Variants in THSD4 observed in about 807,000 individuals in gnomAD.
THSD4 encodes the protein thrombospondin type-1 domain-containing protein 4.
THSD4 carries 69 observed loss-of-function variants against 119.0 expected under a neutral mutation model. The observed-to-expected ratio is 0.58, with a 90% confidence interval of 0.48 to 0.71. The LOEUF is 0.71. THSD4 is among the 30% of genes least tolerant of loss of function. The pLI, the probability that THSD4 is intolerant of heterozygous loss-of-function variation, is 0.00. For synonymous variants in THSD4, 524 were observed against 540.4 expected, an observed-to-expected ratio of 0.97 and a Z score of 0.42; for missense variants, 1,393 against 1,391.1, an observed-to-expected ratio of 1.00 and a Z score of -0.02.
At chr15:71,658,184 G>T (rs2051227972) in intron 7 of THSD4, among the ~76,000 whole-genome samples, 1 of 152,160 alleles carries the variant, frequency 6.6e-6, no homozygotes. Context: ...ACATCTGGGG[G>T]TTGCTGATGC....
intron 3 of THSD4, chr15:71,165,474 C>T (rs1483408294): frequency 5.4e-6 from 7 of 1,305,648 alleles, no homozygotes; most frequent in African/African-American, 2.9e-5. Flanking sequence ...CCGGCTCTCA[C>T]TTGCCCTGGC....
chr15:71,382,816 A>G (rs1440496005), intron 6 of THSD4, among the ~76,000 whole-genome samples: 1 of 152,228 alleles, frequency 6.6e-6, no homozygotes. Flanking sequence ...AGACCCAAAT[A>G]TATTTAGCTT....
chr15:71,664,342 C>T (rs1190710030), intron 8 of THSD4, among the ~76,000 whole-genome samples: 1 of 151,902 alleles, frequency 6.6e-6, no homozygotes, highest in Non-Finnish European at 1.5e-5. Flanking sequence ...TCCAGAATTA[C>T]CTTTAGTTAT....
At chr15:71,372,044 G>T (rs544701357) in intron 6 of THSD4, among the ~76,000 whole-genome samples, 1 of 152,274 alleles carries the variant, frequency 6.6e-6, no homozygotes, top group East Asian at 1.9e-4. Flanking sequence ...TTCAGTCACT[G>T]ATAACCTTTC....
intron 6 of THSD4, among the ~76,000 whole-genome samples, chr15:71,308,401 T>G (rs7174619): frequency 1.3e-5 from 2 of 152,134 alleles, no homozygotes; most frequent in Admixed American, 6.5e-5. Flanking sequence ...TTTTTCCTGC[T>G]AGGGTGCTTA....
rs560137565 is a variant in THSD4, at chr15:71,531,157, G to A, written c.1152+119334G>A. Among the ~76,000 whole-genome samples the A allele has an allele frequency of 2.0e-5, 3 of 152,300 alleles. No homozygotes were observed. The South Asian group carries it at 6.2e-4, about 32-fold the overall frequency. ...AGGGAGACCAGAGGGTCATAAGGAA[G>A]GGGCTGGGGAGTGTGGGATGGGGCT... On this transcript the variant is annotated intron_variant, in intron 7 of 17. Coordinates refer to ENST00000261862, the MANE Select transcript of THSD4 (RefSeq NM_024817.3).
chr15:71,570,521 C>T (rs1595893374), intron 7 of THSD4, among the ~76,000 whole-genome samples: 2 of 152,086 alleles, frequency 1.3e-5, no homozygotes, highest in East Asian at 1.9e-4. Context: ...ATTCTCCTGC[C>T]TCAGCCTCCC....
intron 5 of THSD4, among the ~76,000 whole-genome samples, chr15:71,243,781 C>CTTTTTTTT (rs34842560): frequency 1.9e-5 from 2 of 104,934 alleles, no homozygotes; most frequent in Non-Finnish European, 1.8e-5. Context: ...GTGCTCAGCA[C>CTTTTTTTT]TTTTTTTTTT....
intron 6 of THSD4, among the ~76,000 whole-genome samples, chr15:71,259,152 G>C (rs1171169843): frequency 1.3e-5 from 2 of 151,830 alleles, no homozygotes; most frequent in African/African-American, 4.8e-5. Context: ...AGAGGAGAAA[G>C]GACACAGACA....
intron 8 of THSD4, among the ~76,000 whole-genome samples, chr15:71,715,931 G>A (rs1386480773): frequency 1.3e-5 from 2 of 152,134 alleles, no homozygotes; most frequent in Non-Finnish European, 2.9e-5. Context: ...TTAGATAATA[G>A]GGATGTGTAT....
At chr15:71,216,473 C>T (rs2140251427) in intron 4 of THSD4, among the ~76,000 whole-genome samples, 1 of 152,314 alleles carries the variant, frequency 6.6e-6, no homozygotes, top group South Asian at 2.1e-4. Context: ...TGCGACACAT[C>T]CAGCCTCCCC....
At chr15:71,329,493 C>T (rs2045394465) in intron 6 of THSD4, among the ~76,000 whole-genome samples, 1 of 152,198 alleles carries the variant, frequency 6.6e-6, no homozygotes, top group Non-Finnish European at 1.5e-5. Flanking sequence ...ACGTCCTTTG[C>T]TGCCTCCTTA....
chr15:71,364,629 A>C (rs2045932641), intron 6 of THSD4, among the ~76,000 whole-genome samples: 2 of 152,196 alleles, frequency 1.3e-5, no homozygotes, highest in Non-Finnish European at 2.9e-5. Context: ...TCAATTCCTA[A>C]TGGGTGAGTA....
chr15:71,279,746 G>T (rs941967820), intron 6 of THSD4, among the ~76,000 whole-genome samples: 4 of 151,230 alleles, frequency 2.6e-5, no homozygotes, highest in Admixed American at 2.6e-4. Context: ...AAGCGAATTC[G>T]AGTTCACACA....
chr15:71,671,795 G>C (rs2051535029), intron 8 of THSD4, among the ~76,000 whole-genome samples: 1 of 152,184 alleles, frequency 6.6e-6, no homozygotes, highest in Admixed American at 6.5e-5. Context: ...GATGGTTGTA[G>C]ATATGTGGTG....
chr15:71,407,401 C>T lies in THSD4; in HGVS notation c.1016-4286C>T, dbSNP rs146040387. ...TTTCCGGTTTCCTAAATTTTGTAAC[C>T]GTTAACTCCTTTTCTATTTTCTTTT... On this transcript the variant is annotated intron_variant, in intron 6 of 17. Coordinates refer to ENST00000261862, the MANE Select transcript of THSD4 (RefSeq NM_024817.3). Among the ~76,000 whole-genome samples, 179 of 152,236 alleles carry T rather than the reference C, an allele frequency of 1.2e-3. 1 individual carries two copies. Among genetic ancestry groups the T allele is most frequent in the African/African-American group, 4.1e-3 (171 of 41,544 alleles).
chr15:71,568,761 T>TC (rs1330794026), intron 7 of THSD4, among the ~76,000 whole-genome samples: 1 of 152,056 alleles, frequency 6.6e-6, no homozygotes, highest in African/African-American at 2.4e-5. Flanking sequence ...CCACAACAGG[T>TC]CCCGGTGTGT....
intron 6 of THSD4, among the ~76,000 whole-genome samples, chr15:71,395,930 CACACACACACACACACACACACAA>C (rs1324958058): frequency 6.7e-6 from 1 of 150,162 alleles, no homozygotes; most frequent in Non-Finnish European, 1.5e-5. Context: ...CACACACACA[CACACACACACACACACACACACAA>C]ACACAGACTT....
At chr15:71,365,586 G>A (rs1226438992) in intron 6 of THSD4, among the ~76,000 whole-genome samples, 1 of 152,104 alleles carries the variant, frequency 6.6e-6, no homozygotes, top group Non-Finnish European at 1.5e-5. Context: ...AATGAAAGGA[G>A]GTCTGTTCTG....
Sources: allele counts gnomAD v4.1 joint callset (sites outside exome capture counted in the v4.1 genomes callset), GRCh38; gene constraint gnomAD v4.1.1; transcripts MANE v1.5; gene names NCBI Gene and HGNC (gene_info 2026-07-23, HGNC 2026-07-21).